ACSM3: variants seen among roughly 807,000 people sequenced by gnomAD.
ACSM3 encodes the protein acyl-CoA synthetase medium chain family member 3.
A neutral mutation model predicts 74.1 loss-of-function variants in ACSM3; 61 were observed. That is an observed-to-expected ratio of 0.82 (90% confidence interval 0.67 to 1.02). The LOEUF is 1.02. ACSM3 is among the 50% of genes least tolerant of loss of function. ACSM3 has a pLI of 0.00. For missense variants in ACSM3, 660 were observed against 697.0 expected (o/e 0.95, Z 0.60); for synonymous variants, 213 against 241.5 (o/e 0.88, Z 1.09).
chr16:20,728,292 T>A (rs1235747868), intron 1 of ACSM3: 1 of 536,726 alleles, frequency 1.9e-6, no homozygotes, highest in East Asian at 3.8e-5. Context: ...AAGAACGTTT[T>A]ACAGTTTTCT....
At chr16:20,732,253 A>T (rs1445383305) in intron 1 of ACSM3, among the ~76,000 whole-genome samples, 1 of 152,166 alleles carries the variant, frequency 6.6e-6, no homozygotes, top group East Asian at 1.9e-4. Context: ...CTAACCATGG[A>T]ATTGGTTGAT....
chr16:20,742,813 A>ATATATATATATATATAT (rs61582869), intron 1 of ACSM3, among the ~76,000 whole-genome samples: 13 of 66,832 alleles, frequency 1.9e-4, no homozygotes, highest in African/African-American at 5.1e-4. Flanking sequence ...ATATATATAT[A>ATATATATATATATATAT]TTTTTTTTTT....
chr16:20,707,947 GT>G (rs1421477550), intron 1 of ACSM3, among the ~76,000 whole-genome samples: 10 of 152,128 alleles, frequency 6.6e-5, no homozygotes, highest in Middle Eastern at 3.4e-3. Context: ...AAGAAGGTCA[GT>G]GAGATGCAAG....
intron 1 of ACSM3, chr16:20,735,141 CAG>C (rs1298494998): frequency 6.6e-6 from 1 of 152,176 alleles, no homozygotes; most frequent in African/African-American, 2.4e-5. Context: ...CAGAACCTTT[CAG>C]AGACTTGTCC....
At chr16:20,687,877 A>T (rs1190552227) in intron 1 of ACSM3, among the ~76,000 whole-genome samples, 3 of 152,172 alleles carry the variant, frequency 2.0e-5, no homozygotes, top group Non-Finnish European at 4.4e-5. Context: ...TGAGGTCAGG[A>T]GTTTGAGACC....
intron 1 of ACSM3, chr16:20,731,699 AT>A: frequency 2.5e-6 from 1 of 405,272 alleles, no homozygotes. Context: ...CTTCAGGATC[AT>A]GTGAAAAAAA....
At chr16:20,727,177 C>T (rs180942444) in intron 1 of ACSM3, among the ~76,000 whole-genome samples, 1 of 152,294 alleles carries the variant, frequency 6.6e-6, no homozygotes, top group East Asian at 1.9e-4. Context: ...ATGCCTAGAA[C>T]AATGTCTAAC....
At chr16:20,781,185 G>A in intron 6 of ACSM3, 55 bp downstream of exon 6, 1 of 1,589,460 alleles carries the variant, frequency 6.3e-7, no homozygotes, top group Middle Eastern at 1.7e-4. Context: ...CAGTATGGCT[G>A]ACAGAACTGG....
chr16:20,765,498 G>A (rs184047971), intron 1 of ACSM3, among the ~76,000 whole-genome samples: 6 of 152,012 alleles, frequency 3.9e-5, no homozygotes, highest in Admixed American at 1.3e-4. Context: ...TGGGAGCTAG[G>A]GAACAAATCA....
At chr16:20,789,392 C>T in intron 9 of ACSM3, 4 of 968,438 alleles carry the variant, frequency 4.1e-6, no homozygotes, top group Non-Finnish European at 6.6e-6. Flanking sequence ...GTATTAAGTA[C>T]TTAATAAATG....
chr16:20,678,312 A>G (rs1352851797), intron 1 of ACSM3, among the ~76,000 whole-genome samples: 2 of 152,184 alleles, frequency 1.3e-5, no homozygotes, highest in Non-Finnish European at 2.9e-5. Context: ...AAAAAACAGC[A>G]CTAAAGACAT....
intron 1 of ACSM3, among the ~76,000 whole-genome samples, chr16:20,716,389 C>T (rs1359222492): frequency 6.6e-6 from 1 of 152,002 alleles, no homozygotes; most frequent in African/African-American, 2.4e-5. Flanking sequence ...AGCTCTGTGC[C>T]AAAGGGTGGA....
chr16:20,750,404 TA>T (rs2152432896), intron 2 of ACSM3, among the ~76,000 whole-genome samples: 2 of 152,318 alleles, frequency 1.3e-5, no homozygotes, highest in South Asian at 4.1e-4. Context: ...GCAGAAGTGA[TA>T]CATGCTACTT....
chr16:20,737,942 C>T (rs774413818), intron 1 of ACSM3: 2 of 1,591,556 alleles, frequency 1.3e-6, no homozygotes, highest in South Asian at 1.2e-5. Context: ...ATATGATGCA[C>T]CAATTTCTCA....
rs199983080 is a variant in ACSM3, at chr16:20,796,840, A to G, written c.1675-46A>G. ...ACTGCTATATAATTGGCTTTATGTA[A>G]AGATAAAAATTTCCAGGCTAATTTT... On this transcript the variant is annotated intron_variant, in intron 13 of 13. Transcript: ENST00000289416. 4 of 1,606,024 alleles carry G rather than the reference A, an allele frequency of 2.5e-6. No individual in the cohort carries two copies. In the East Asian group the frequency reaches 9.0e-5, roughly 36 times the overall value.
intron 2 of ACSM3, among the ~76,000 whole-genome samples, chr16:20,750,817 TAGAG>T (rs1567336929): frequency 1.4e-5 from 2 of 147,022 alleles, no homozygotes; most frequent in African/African-American, 4.9e-5. Flanking sequence ...CATAATGTAG[TAGAG>T]AGAATATAAG....
In ACSM3 at chr16:20,745,578, A is replaced by AAAATAAAT. The variant is rs55894266; in HGVS notation, c.-189-4306_-189-4299dup. Among the ~76,000 whole-genome samples the AAAATAAAT allele has an allele frequency of 5.3e-3, 794 of 150,666 alleles. 4 individuals are homozygous for AAAATAAAT. Among genetic ancestry groups the AAAATAAAT allele is most frequent in the Non-Finnish European group, 6.6e-3 (450 of 67,778 alleles). ...GCCTGGGCAAAATAGACTCTGTCTCAAAATAAATAAATAAATAAATAAATA... is the reference window on the plus strand; with the variant it reads ...GCCTGGGCAAAATAGACTCTGTCTCAAAATAAATAAATAAATAAATAAATAAATAAATA... On this transcript the variant is annotated intron_variant, in intron 1 of 3. Coordinates refer to the ACSM3 transcript ENST00000561584.
At chr16:20,753,354 C>G (rs900861039) in intron 2 of ACSM3, among the ~76,000 whole-genome samples, 4 of 150,582 alleles carry the variant, frequency 2.7e-5, no homozygotes, top group Non-Finnish European at 5.9e-5. Flanking sequence ...ATCCCAGCTA[C>G]TTGGGAGGCT....
chr16:20,737,731 T>C, intron 1 of ACSM3: 2 of 1,612,310 alleles, frequency 1.2e-6, no homozygotes, highest in Non-Finnish European at 1.7e-6. Context: ...GATAACTTCT[T>C]CTCTATTCAC....
Sources: gnomAD v4.1 joint callset for allele counts (sites outside exome capture counted in the v4.1 genomes callset) on GRCh38, gnomAD v4.1.1 for gene constraint, MANE v1.5 for transcripts, NCBI Gene and HGNC (gene_info 2026-07-23, HGNC 2026-07-21) for gene names.